SEMA3D: variants seen among roughly 807,000 people sequenced by gnomAD.
SEMA3D encodes semaphorin 3D.
A neutral mutation model predicts 100.1 loss-of-function variants in SEMA3D; 84 were observed. That is an observed-to-expected ratio of 0.84 (90% CI 0.70 to 1.01). SEMA3D has a LOEUF of 1.01. Among genes scored for constraint, SEMA3D ranks in the 50% least tolerant of loss-of-function variants. The pLI is 0.00. For synonymous variants in SEMA3D, 312 were observed against 320.7 expected, an observed-to-expected ratio of 0.97 and a Z score of 0.29; for missense variants, 875 against 934.1, an observed-to-expected ratio of 0.94 and a Z score of 0.82.
chr7:85,172,567 G>C (rs2116551454), intron 1 of SEMA3D, among the ~76,000 whole-genome samples: 1 of 152,118 alleles, frequency 6.6e-6, no homozygotes, highest in Non-Finnish European at 1.5e-5. Context: ...ATTCCCTACA[G>C]ATGCAGAAGT....
At chr7:85,036,722 TA>T (rs1790707184) in intron 12 of SEMA3D, among the ~76,000 whole-genome samples, 166 bp downstream of exon 12, 1 of 152,190 alleles carries the variant, frequency 6.6e-6, no homozygotes, top group South Asian at 2.1e-4. Context: ...CTAAAATTCT[TA>T]CTGAAATGTT....
the SEMA3D span, among the ~76,000 whole-genome samples, chr7:85,239,370 GGA>G: frequency 3.3e-5 from 5 of 152,180 alleles, no homozygotes; most frequent in African/African-American, 9.7e-5. Flanking sequence ...TGCCACGTGA[GGA>G]AACAGTGGGG....
At chr7:85,224,982 G>A in the SEMA3D span, among the ~76,000 whole-genome samples, 481 of 144,438 alleles carry the variant, frequency 3.3e-3, 4 homozygotes, top group African/African-American at 0.012. Context: ...TTATTATGTT[G>A]TCTATGCTTT....
chr7:85,219,660 C>T, the SEMA3D span, among the ~76,000 whole-genome samples: 2 of 151,954 alleles, frequency 1.3e-5, no homozygotes, highest in Non-Finnish European at 2.9e-5. Context: ...AGGAGAGCTA[C>T]TCTAGGTCCT....
chr7:85,190,758 A>G (rs952684636), upstream of SEMA3D, among the ~76,000 whole-genome samples: 3 of 152,152 alleles, frequency 2.0e-5, no homozygotes, highest in Non-Finnish European at 4.4e-5. Flanking sequence ...AAAACAGTTT[A>G]TCTTTAGTTA....
At chr7:85,150,379 T>C (rs936911636) in intron 2 of SEMA3D, among the ~76,000 whole-genome samples, 11 of 141,452 alleles carry the variant, frequency 7.8e-5, no homozygotes, top group South Asian at 2.2e-4. Flanking sequence ...TATATATATA[T>C]ACACACACAC....
chr7:84,999,378 T>C lies in SEMA3D; in HGVS notation c.*62A>G. Reference sequence around the variant, plus strand: ...CATTTATGAATTACTATAAGGGATATACAAAACAGAAGGCAATGTTTTTAT... The same window carrying C: ...CATTTATGAATTACTATAAGGGATACACAAAACAGAAGGCAATGTTTTTAT... On this transcript the variant is annotated 3_prime_UTR_variant, in exon 19 of 19. Coordinates refer to ENST00000284136, the MANE Select transcript of SEMA3D (RefSeq NM_001384900.1). 1.5e-6 allele frequency: 2 copies of C among 1,328,076 alleles called. No homozygotes were observed. Among genetic ancestry groups the C allele is most frequent in the Admixed American group, 1.8e-5 (1 of 54,768 alleles). The allele number at this position is 1,328,076 out of a possible 1,614,324, so 82.3% of individuals were successfully genotyped here.
chr7:85,215,570 C>T, the SEMA3D span, among the ~76,000 whole-genome samples: 2,720 of 152,070 alleles, frequency 0.018, 217 homozygotes, highest in East Asian at 0.15. Flanking sequence ...TAATAGTTCT[C>T]AAACTGTTAA....
At chr7:85,050,717 A>G (rs1018097878) in intron 9 of SEMA3D, 6 of 518,158 alleles carry the variant, frequency 1.2e-5, no homozygotes, top group Non-Finnish European at 2.1e-5. Flanking sequence ...GACTATGTTC[A>G]GAAATAAGAT....
chr7:85,180,636 A>T (rs1791375596), intron 1 of SEMA3D, among the ~76,000 whole-genome samples: 2 of 152,210 alleles, frequency 1.3e-5, no homozygotes, highest in South Asian at 4.1e-4. Flanking sequence ...CTTATTATTT[A>T]TATTTTACAT....
At chr7:85,144,992 A>G (rs1790161735) in intron 2 of SEMA3D, among the ~76,000 whole-genome samples, 1 of 152,100 alleles carries the variant, frequency 6.6e-6, no homozygotes, top group African/African-American at 2.4e-5. Flanking sequence ...GTTTAATTTT[A>G]TTTGTTTATA....
intron 1 of SEMA3D, among the ~76,000 whole-genome samples, chr7:85,168,818 GATGAAAGAAAGAAAGAAAGA>G (rs1562843027): frequency 1.6e-5 from 1 of 64,110 alleles, no homozygotes; most frequent in Non-Finnish European, 3.4e-5. Context: ...AAGAAAGAAA[GATGAAAGAAAGAAAGAAAGA>G]AAGAAAGAAA....
intron 2 of SEMA3D, among the ~76,000 whole-genome samples, chr7:85,128,493 T>C (rs1041380562): frequency 2.0e-5 from 3 of 152,114 alleles, no homozygotes; most frequent in Non-Finnish European, 4.4e-5. Flanking sequence ...TATTGAGATA[T>C]GCTTATTTCT....
At chr7:85,220,373 G>A in the SEMA3D span, among the ~76,000 whole-genome samples, 9 of 141,652 alleles carry the variant, frequency 6.4e-5, no homozygotes, top group Non-Finnish European at 9.2e-5. Context: ...TCTATTTACC[G>A]ATTTATGTTA....
intron 7 of SEMA3D, among the ~76,000 whole-genome samples, chr7:85,065,997 T>C (rs1200085100): frequency 2.0e-5 from 3 of 152,150 alleles, no homozygotes; most frequent in Non-Finnish European, 4.4e-5. Context: ...TGACCACAAA[T>C]TTTCTTTGCC....
chr7:85,241,601 C>G, the SEMA3D span, among the ~76,000 whole-genome samples: 1 of 150,574 alleles, frequency 6.6e-6, no homozygotes, highest in African/African-American at 2.4e-5. Context: ...AATCAAACAT[C>G]TTTATGTTCT....
chr7:85,040,722 T>A lies in SEMA3D; in HGVS notation c.997A>T (p.Thr333Ser). The A allele has an allele frequency of 6.9e-7, 1 of 1,445,614 alleles. No homozygotes were observed. Among genetic ancestry groups the A allele is most frequent in the South Asian group, 1.2e-5 (1 of 86,206 alleles). 89.5% of individuals were successfully genotyped at this position (1,445,614 alleles called of 1,614,324 possible). A position where few individuals can be genotyped will look rare whatever the true frequency, so the allele number is the denominator to read the frequency against. Residue 333 changes from threonine to serine, a missense_variant, in exon 11 of 19, where the codon ACA becomes TCA. Transcript: ENST00000284136. ...ACTACAGGATTTCTTTCATCTCTTG[T>A]GGGGAGTAAATAAATATCTTCTATT... ...DELQDIYLLPTRDERNPVVYG... is the reference protein window; with the variant it reads ...DELQDIYLLPSRDERNPVVYG...
rs975904137 is a variant in SEMA3D at position 85,129,077 on chromosome 7, G to C, written c.-40-7146C>G. ...AGCTAATTTTTTTTTGTAGAGATAG[G>C]GTCTCACTATTTTGACCAGGCTGGT... On this transcript the variant is annotated intron_variant, in intron 2 of 18. Transcript: ENST00000284136. Among the ~76,000 whole-genome samples, 3 of 150,986 alleles carry C rather than the reference G, an allele frequency of 2.0e-5. No homozygotes were observed. In the Admixed American group the frequency reaches 2.0e-4, roughly 10 times the overall value.
At chr7:85,157,919 C>T (rs898559656) in intron 1 of SEMA3D, among the ~76,000 whole-genome samples, 22 of 152,156 alleles carry the variant, frequency 1.4e-4, no homozygotes, top group African/African-American at 5.1e-4. Context: ...ATTTCTTACG[C>T]TTGTCTTTAC....
Sources: gnomAD v4.1 joint callset for allele counts (sites outside exome capture counted in the v4.1 genomes callset) on GRCh38, gnomAD v4.1.1 for gene constraint, MANE v1.5 for transcripts, NCBI Gene and HGNC (gene_info 2026-07-23, HGNC 2026-07-21) for gene names.